RUFY2: variants seen among roughly 807,000 people sequenced by gnomAD.
RUFY2 encodes the protein RUN and FYVE domain-containing protein 2.
In RUFY2, 49 loss-of-function variants were observed where a neutral mutation model predicts 94.4. The observed-to-expected ratio is 0.52, with a 90% CI of 0.41 to 0.66. The LOEUF (loss-of-function observed/expected upper bound fraction) is 0.66. RUFY2 is among the 30% of genes least tolerant of loss of function. The pLI, the probability that RUFY2 is intolerant of heterozygous loss-of-function variation, is 0.00. For synonymous variants in RUFY2, 255 were observed against 235.7 expected, an observed-to-expected ratio of 1.08 and a Z score of -0.75; for missense variants, 541 against 692.8, an observed-to-expected ratio of 0.78 and a Z score of 2.46.
intron 13 of RUFY2, among the ~76,000 whole-genome samples, chr10:68,365,383 CCA>C (rs1385926138): frequency 2.0e-5 from 3 of 152,156 alleles, no homozygotes; most frequent in Non-Finnish European, 4.4e-5. Context: ...TCCAGGTACT[CCA>C]GTTTCCTCCC....
chr10:68,355,699 G>A (rs1589789998), intron 15 of RUFY2: 1 of 202,586 alleles, frequency 4.9e-6, no homozygotes, highest in South Asian at 6.7e-5. Context: ...CGGATCACGA[G>A]GTCAGGAGAT....
chr10:68,367,578 C>T (rs932031536), intron 13 of RUFY2, among the ~76,000 whole-genome samples: 29 of 152,234 alleles, frequency 1.9e-4, no homozygotes, highest in African/African-American at 7.0e-4. Flanking sequence ...CTTCATCTTG[C>T]CGAGCAGCTG....
chr10:68,393,862 T>A lies in RUFY2; in HGVS notation c.584+213A>T, dbSNP rs2050180766. On this transcript the variant is annotated intron_variant, in intron 6 of 17. Coordinates refer to ENST00000602465, the MANE Select transcript of RUFY2 (RefSeq NM_001330103.2). Reference sequence around the variant, plus strand: ...CAGTAACTACAGGTATAACCAAAGGTCCCACTTCATACTATTAATAAAACC... The same window carrying A: ...CAGTAACTACAGGTATAACCAAAGGACCCACTTCATACTATTAATAAAACC... The A allele has an allele frequency of 2.9e-6, 3 of 1,041,470 alleles. No individual in the cohort carries two copies. In the African/African-American group the frequency reaches 5.1e-5, roughly 18 times the overall value. The allele number at this position is 1,041,470 out of a possible 1,614,324, so 64.5% of individuals were successfully genotyped here.
rs545837935 is a variant in RUFY2 at position 68,395,556 on chromosome 10, T to C, written c.399-1105A>G. On this transcript the variant is annotated intron_variant, in intron 4 of 17. Coordinates refer to ENST00000602465, the MANE Select transcript of RUFY2 (RefSeq NM_001330103.2). ...TTCAAGTCAATGCATTTGATAGGTA[T>C]ATTATAAATCTTAATAGATAATCAT... is the stretch of plus-strand genomic sequence containing the variant. 3.9e-5 allele frequency among the ~76,000 whole-genome samples: 6 copies of C among 152,306 alleles called. No individual in the cohort carries two copies. The South Asian group carries it at 8.3e-4, about 21-fold the overall frequency.
At chr10:68,393,257 C>T in intron 6 of RUFY2, 54 bp from the exon 7 acceptor site, 1 of 865,542 alleles carries the variant, frequency 1.2e-6, no homozygotes. Flanking sequence ...TTATTAAGCA[C>T]AAAAAAATCT....
intron 15 of RUFY2, among the ~76,000 whole-genome samples, chr10:68,357,566 A>C (rs2047150716): frequency 6.6e-6 from 1 of 152,098 alleles, no homozygotes; most frequent in South Asian, 2.1e-4. Flanking sequence ...TTTTCTTTAA[A>C]AAAGAAAATG....
At chr10:68,348,441 C>A (rs958715804) in intron 16 of RUFY2, among the ~76,000 whole-genome samples, 3 of 151,276 alleles carry the variant, frequency 2.0e-5, no homozygotes, top group Non-Finnish European at 4.4e-5. Context: ...TGCTTAAACC[C>A]ATATGTTCAA....
At chr10:68,358,863 A>T (rs528594149) in intron 15 of RUFY2, among the ~76,000 whole-genome samples, 25 of 152,036 alleles carry the variant, frequency 1.6e-4, no homozygotes, top group Admixed American at 1.4e-3. Flanking sequence ...GTGAGCCAAG[A>T]TCACGCCACT....
intron 4 of RUFY2, among the ~76,000 whole-genome samples, chr10:68,395,998 GTTTTA>G (rs370346455): frequency 9.5e-4 from 145 of 152,126 alleles, no homozygotes; most frequent in African/African-American, 3.1e-3. Context: ...TTTGGCCTTC[GTTTTA>G]TTTTATTTTT....
intron 4 of RUFY2, among the ~76,000 whole-genome samples, chr10:68,396,241 C>T (rs568447109): frequency 6.6e-6 from 1 of 152,254 alleles, no homozygotes; most frequent in Non-Finnish European, 1.5e-5. Flanking sequence ...CCACCTGCCT[C>T]GGCCTCCCAC....
At position 68,343,723 on chromosome 10, in the gene RUFY2, G is replaced by GTCTT. The variant is rs2046108210; in HGVS notation, c.*2041_*2044dup. 6.9e-6 allele frequency: 1 copy of GTCTT among 144,604 alleles called. No individual in the cohort carries two copies. The highest frequency in any genetic ancestry group is 1.5e-5 in the Non-Finnish European group (1 of 66,646). The allele number at this position is 144,604 out of a possible 1,614,324, so 9.0% of individuals were successfully genotyped here. On this transcript the variant is annotated 3_prime_UTR_variant, in exon 18 of 18. Coordinates refer to ENST00000602465, the MANE Select transcript of RUFY2 (RefSeq NM_001330103.2). ...AATCACGAAATACAGATTGTTAAAA[G>GTCTT]TCTTGTAACAGAAAAATCCAAAGTT...
At position 68,393,021 on chromosome 10, in the gene RUFY2, T is replaced by C. The variant is rs562877792; in HGVS notation, c.650+117A>G. ...GTATTCTTACTTTCCATTTTCTCTC[T>C]ATCCCCTCAACCCCTTCTCAAAGAC... On this transcript the variant is annotated intron_variant, in intron 7 of 17. Coordinates refer to ENST00000602465, the MANE Select transcript of RUFY2 (RefSeq NM_001330103.2). The C allele has an allele frequency of 7.9e-5, 34 of 429,716 alleles. 1 individual carries two copies. The highest frequency in any genetic ancestry group is 5.7e-4 in the African/African-American group (28 of 48,736). The allele number at this position is 429,716 out of a possible 1,614,324, so 26.6% of individuals were successfully genotyped here. A position where few individuals can be genotyped will look rare whatever the true frequency, so the allele number is the denominator to read the frequency against.
At chr10:68,352,719 A>G (rs1008681981) in intron 16 of RUFY2, among the ~76,000 whole-genome samples, 3 of 151,638 alleles carry the variant, frequency 2.0e-5, no homozygotes, top group Admixed American at 6.6e-5. Flanking sequence ...TCACAAAGTC[A>G]GGAGTTCGAG....
intron 8 of RUFY2, among the ~76,000 whole-genome samples, chr10:68,385,390 TA>T (rs551175612): frequency 6.6e-6 from 1 of 151,814 alleles, no homozygotes; most frequent in Non-Finnish European, 1.5e-5. Context: ...TTTAATACAT[TA>T]AAAAAAATCT....
chr10:68,386,549 C>A (rs1360277864), intron 7 of RUFY2, among the ~76,000 whole-genome samples: 1 of 152,114 alleles, frequency 6.6e-6, no homozygotes, highest in Non-Finnish European at 1.5e-5. Context: ...GGGGTTACAC[C>A]ATGTTGGTCA....
At position 68,367,149 on chromosome 10, in the gene RUFY2, C is replaced by CA. The variant is rs879284701; in HGVS notation, c.1326-3037dup. On this transcript the variant is annotated intron_variant, in intron 13 of 17. Coordinates refer to ENST00000602465, the MANE Select transcript of RUFY2 (RefSeq NM_001330103.2). ...CGCCACTGCATTCCAGCCTGGGTGA[C>CA]AAAAAAAAAAATAGTGGTATCACTA... 1.5e-3 allele frequency among the ~76,000 whole-genome samples: 206 copies of CA among 141,096 alleles called. 1 individual carries two copies. Among genetic ancestry groups the CA allele is most frequent in the African/African-American group, 4.2e-3 (162 of 38,630 alleles). The allele number at this position is 141,096 out of a possible 152,430, so 92.6% of individuals were successfully genotyped here.
chr10:68,393,974 A>C (rs1328089602), intron 6 of RUFY2, 101 bp downstream of exon 6: 46 of 1,425,446 alleles, frequency 3.2e-5, no homozygotes, highest in Non-Finnish European at 3.9e-5. Context: ...AGGGGGGAAA[A>C]CAACAAAATA....
At chr10:68,385,939 T>G (rs1364458231) in intron 8 of RUFY2, 120 bp downstream of exon 8, 4 of 544,912 alleles carry the variant, frequency 7.3e-6, no homozygotes, top group Non-Finnish European at 1.3e-5. Flanking sequence ...ATTACAAGTA[T>G]TGCATCACAA....
At chr10:68,378,385 T>A (rs1226179014) in intron 12 of RUFY2, 1 of 1,233,322 alleles carries the variant, frequency 8.1e-7, no homozygotes, top group African/African-American at 1.6e-5. Flanking sequence ...TGTCTGGAAA[T>A]CCAAGTGCAC....
Sources: gnomAD v4.1 joint callset for allele counts (sites outside exome capture counted in the v4.1 genomes callset) on GRCh38, gnomAD v4.1.1 for gene constraint, MANE v1.5 for transcripts, NCBI Gene and HGNC (gene_info 2026-07-23, HGNC 2026-07-21) for gene names.